Variants in SRFBP1 observed in about 807,000 individuals in gnomAD.
SRFBP1 encodes the protein serum response factor binding protein 1.
Under a neutral mutation model 45.5 loss-of-function variants are expected in SRFBP1, and 47 were observed. That is an observed-to-expected ratio of 1.03 (90% confidence interval 0.82 to 1.32). The LOEUF is 1.32. Ranked by LOEUF, SRFBP1 falls within the 40% of genes most tolerant of loss-of-function variation. The pLI is 0.00. For synonymous variants in SRFBP1, 203 were observed against 166.3 expected, an observed-to-expected ratio of 1.22 and a Z score of -1.70; for missense variants, 621 against 484.6, an observed-to-expected ratio of 1.28 and a Z score of -2.64.
intron 3 of SRFBP1, among the ~76,000 whole-genome samples, chr5:121,981,631 G>C (rs929013652): frequency 6.7e-6 from 1 of 148,654 alleles, no homozygotes; most frequent in Non-Finnish European, 1.5e-5. Context: ...CTACATCAGA[G>C]TTTTTAAACA....
intron 4 of SRFBP1, among the ~76,000 whole-genome samples, chr5:122,002,824 C>G (rs1270856427): frequency 6.6e-6 from 1 of 152,074 alleles, no homozygotes; most frequent in Non-Finnish European, 1.5e-5. Flanking sequence ...TTAAAAAGTT[C>G]TTTGAACTGG....
chr5:121,975,922 G>A (rs1005818054), intron 3 of SRFBP1, among the ~76,000 whole-genome samples: 1 of 151,406 alleles, frequency 6.6e-6, no homozygotes, highest in African/African-American at 2.4e-5. Context: ...TAATTTTTAG[G>A]TCTTCTTGCT....
downstream of SRFBP1, among the ~76,000 whole-genome samples, chr5:122,033,245 G>A (rs1196513077): frequency 6.7e-6 from 1 of 148,936 alleles, no homozygotes; most frequent in African/African-American, 2.5e-5. Flanking sequence ...CCTGTTTTAT[G>A]TACTGCAAAT....
chr5:122,012,587 A>G (rs1753118685), intron 4 of SRFBP1, among the ~76,000 whole-genome samples: 2 of 152,130 alleles, frequency 1.3e-5, no homozygotes, highest in Admixed American at 1.3e-4. Flanking sequence ...AATTACTAAC[A>G]TGTCATCAAG....
chr5:122,021,978 C>A (rs1321338177), intron 6 of SRFBP1, among the ~76,000 whole-genome samples: 1 of 151,616 alleles, frequency 6.6e-6, no homozygotes, highest in East Asian at 1.9e-4. Context: ...ACAGGCGTGA[C>A]CCACCGTGCC....
chr5:122,057,611 G>A (rs1174143499), intron 2 of SRFBP1, among the ~76,000 whole-genome samples: 1 of 150,422 alleles, frequency 6.6e-6, no homozygotes, highest in East Asian at 2.0e-4. Flanking sequence ...GCTGGTGTGT[G>A]CCACCACTCC....
intron 2 of SRFBP1, among the ~76,000 whole-genome samples, chr5:122,037,752 A>T (rs149755847): frequency 7.2e-5 from 11 of 151,972 alleles, no homozygotes; most frequent in Middle Eastern, 3.4e-3. Context: ...GCCTGGCTTC[A>T]AGTGTTCCTT....
intron 2 of SRFBP1, chr5:122,070,909 A>G (rs1425665380): frequency 1.6e-5 from 3 of 188,232 alleles, no homozygotes; most frequent in Non-Finnish European, 3.2e-5. Context: ...TCAGGAATAA[A>G]GGCCACATAA....
chr5:122,047,405 T>C (rs1753883332), intron 2 of SRFBP1, among the ~76,000 whole-genome samples: 2 of 152,326 alleles, frequency 1.3e-5, no homozygotes, highest in African/African-American at 4.8e-5. Context: ...CATTGGTCTA[T>C]ATCTCTGTTT....
intron 2 of SRFBP1, among the ~76,000 whole-genome samples, chr5:122,039,974 G>A (rs994415832): frequency 6.6e-6 from 1 of 152,034 alleles, no homozygotes; most frequent in Non-Finnish European, 1.5e-5. Flanking sequence ...ATCTGATCCA[G>A]TATTACATTT....
intron 2 of SRFBP1, among the ~76,000 whole-genome samples, chr5:122,050,155 C>G (rs1430245148): frequency 1.3e-5 from 2 of 151,986 alleles, no homozygotes; most frequent in African/African-American, 4.8e-5. Flanking sequence ...CTAGTATTTT[C>G]TTGAGGATTT....
At chr5:122,032,239 T>A (rs1753600765), downstream of SRFBP1, among the ~76,000 whole-genome samples, 1 of 151,478 alleles carries the variant, frequency 6.6e-6, no homozygotes, top group Non-Finnish European at 1.5e-5. Flanking sequence ...TATTTTATTT[T>A]AATGATTTTT....
At chr5:121,997,033 G>A (rs1048433614) in intron 4 of SRFBP1, among the ~76,000 whole-genome samples, 1 of 103,308 alleles carries the variant, frequency 9.7e-6, no homozygotes, top group African/African-American at 4.3e-5. Flanking sequence ...ACAAATGGAA[G>A]AACATTCCAT....
chr5:121,985,940 G>A (rs1016558792), intron 3 of SRFBP1, among the ~76,000 whole-genome samples: 1 of 151,846 alleles, frequency 6.6e-6, no homozygotes, highest in Non-Finnish European at 1.5e-5. Flanking sequence ...GTAGATACTT[G>A]GATATGTAAG....
At chr5:121,982,632 C>T (rs1188691033) in intron 3 of SRFBP1, among the ~76,000 whole-genome samples, 1 of 151,774 alleles carries the variant, frequency 6.6e-6, no homozygotes, top group Admixed American at 6.6e-5. Flanking sequence ...AGTTGCAGGC[C>T]TTTGTTGGCA....
At chr5:122,009,248 T>C (rs984522042) in intron 4 of SRFBP1, among the ~76,000 whole-genome samples, 1 of 152,222 alleles carries the variant, frequency 6.6e-6, no homozygotes, top group African/African-American at 2.4e-5. Flanking sequence ...GTTTGTTTTC[T>C]TAATGATTTA....
At chr5:122,047,315 A>G (rs1003208864) in intron 2 of SRFBP1, among the ~76,000 whole-genome samples, 2 of 152,166 alleles carry the variant, frequency 1.3e-5, no homozygotes, top group East Asian at 3.9e-4. Context: ...TCGTTTCCCC[A>G]TTGCTTGTTT....
chr5:122,023,328 A>T (rs1016152545), intron 7 of SRFBP1, among the ~76,000 whole-genome samples: 1 of 152,202 alleles, frequency 6.6e-6, no homozygotes, highest in Non-Finnish European at 1.5e-5. Flanking sequence ...CCAAAGTCAC[A>T]TCCAGTCACT....
At chr5:122,077,294 A>T, downstream of SRFBP1, 2 of 1,605,084 alleles carry the variant, frequency 1.2e-6, no homozygotes, top group Non-Finnish European at 1.7e-6. This position sits in a 1 kb window ranked among gnomAD's most constrained non-coding sequence, Gnocchi z 4.9. Flanking sequence ...AGCCACGTCG[A>T]GAAGCCACAT....
Sources: allele counts gnomAD v4.1 joint callset (sites outside exome capture counted in the v4.1 genomes callset), GRCh38; gene constraint gnomAD v4.1.1; non-coding constraint Gnocchi (gnomAD v3.1); transcripts MANE v1.5; gene names NCBI Gene and HGNC (gene_info 2026-07-23, HGNC 2026-07-21).